The following STXBP4 variants were observed in gnomAD, a reference collection of about 807,000 sequenced individuals.
STXBP4 encodes syntaxin binding protein 4.
A neutral mutation model predicts 76.1 loss-of-function variants in STXBP4; 55 were observed. The ratio of observed to expected loss-of-function variants is 0.72; its 90% CI spans 0.58 to 0.91. The LOEUF (loss-of-function observed/expected upper bound fraction) is 0.91. Among genes scored for constraint, STXBP4 ranks in the 40% least tolerant of loss-of-function variants. The probability of loss-of-function intolerance (pLI) is 0.00; values close to 1 mark genes in which losing one functional copy is unlikely to be tolerated. For missense variants in STXBP4, 618 were observed against 636.9 expected, an observed-to-expected ratio of 0.97 and a Z score of 0.32; for synonymous variants, 201 against 220.2, an observed-to-expected ratio of 0.91 and a Z score of 0.77.
chr17:55,126,202 T>C (rs980065932), intron 16 of STXBP4, among the ~76,000 whole-genome samples: 2 of 151,996 alleles, frequency 1.3e-5, no homozygotes, highest in African/African-American at 4.8e-5. Flanking sequence ...TTACTCAGTG[T>C]GAAAACAAAA....
chr17:55,152,397 C>G (rs1341270325), intron 17 of STXBP4, among the ~76,000 whole-genome samples: 1 of 152,184 alleles, frequency 6.6e-6, no homozygotes, highest in Admixed American at 6.5e-5. Context: ...ACTTTTTATT[C>G]ATGGTCATCC....
At chr17:55,082,509 T>C (rs1432116138) in intron 16 of STXBP4, among the ~76,000 whole-genome samples, 6 of 152,188 alleles carry the variant, frequency 3.9e-5, no homozygotes, top group Non-Finnish European at 4.4e-5. Flanking sequence ...CATAAATATC[T>C]AGTAGGACAT....
intron 12 of STXBP4, among the ~76,000 whole-genome samples, chr17:55,068,558 A>G (rs1041293274): frequency 6.6e-6 from 1 of 152,152 alleles, no homozygotes; most frequent in Admixed American, 6.5e-5. Flanking sequence ...CAACTCTCCA[A>G]AGTTCAAGAG....
chr17:55,076,122 C>T (rs2079178751), intron 13 of STXBP4, among the ~76,000 whole-genome samples: 1 of 152,134 alleles, frequency 6.6e-6, no homozygotes, highest in Non-Finnish European at 1.5e-5. Flanking sequence ...AAATTTCTGG[C>T]TTGCCTTTTC....
chr17:54,995,632 A>C (rs2541241), intron 4 of STXBP4, among the ~76,000 whole-genome samples: 55,463 of 152,010 alleles, frequency 0.36, 10,974 homozygotes, highest in East Asian at 0.54. Flanking sequence ...GACATATTTA[A>C]CTTTCAGAGG....
intron 13 of STXBP4, among the ~76,000 whole-genome samples, chr17:55,075,356 T>G (rs2079168931): frequency 1.3e-5 from 2 of 152,254 alleles, no homozygotes; most frequent in African/African-American, 4.8e-5. Flanking sequence ...TATTTGAAGT[T>G]TTTAGCTAGT....
At chr17:55,151,084 G>T (rs2080211253) in intron 17 of STXBP4, among the ~76,000 whole-genome samples, 1 of 152,192 alleles carries the variant, frequency 6.6e-6, no homozygotes. Flanking sequence ...GAAAAGCAAA[G>T]AAACAAATTC....
intron 6 of STXBP4, 48 bp from the exon 7 acceptor site, chr17:55,000,760 G>T: frequency 8.3e-7 from 1 of 1,208,952 alleles, no homozygotes; most frequent in South Asian, 1.2e-5. Context: ...GGCTTCAAGT[G>T]ACCTACTTTA....
chr17:55,059,245 A>G (rs1017383910), intron 12 of STXBP4, among the ~76,000 whole-genome samples: 5 of 152,302 alleles, frequency 3.3e-5, no homozygotes, highest in East Asian at 1.9e-4. Flanking sequence ...TGCATAAAAT[A>G]TTCAGATAAG....
Position 55,043,277 on chromosome 17 carries a change from G to C in STXBP4, c.897G>C (p.Arg299Ser), listed in dbSNP as rs369283045. 2.6e-6 allele frequency: 4 copies of C among 1,542,824 alleles called. No individual in the cohort carries two copies. The highest frequency in any genetic ancestry group is 2.0e-5 in the Admixed American group (1 of 50,408). The change falls in exon 11 of 18, where the codon AGG (arginine) becomes AGC (serine). Residue 299 changes from arginine to serine, a missense_variant. Arg to Ser is a moderately radical substitution (Grantham distance 110). Coordinates refer to ENST00000376352, the MANE Select transcript of STXBP4 (RefSeq NM_178509.6). ...CDSSEADEMERLKCERDDALK... is the reference protein window; with the variant it reads ...CDSSEADEMESLKCERDDALK... ...CTTCAGAAGCAGATGAAATGGAAAG[G>C]CTCAAGTGTGAAAGAGATGATGCCT... is the stretch of plus-strand genomic sequence containing the variant.
rs1033163720 is a variant in STXBP4, at chr17:55,160,906, C to T, written c.*995C>T. 2 of 152,230 alleles carry T rather than the reference C, an allele frequency of 1.3e-5. No individual in the cohort carries two copies. The highest frequency in any genetic ancestry group is 4.8e-5 in the African/African-American group (2 of 41,454). The allele number at this position is 152,230 out of a possible 1,614,324, so 9.4% of individuals were successfully genotyped here. A position where few individuals can be genotyped will look rare whatever the true frequency, so the allele number is the denominator to read the frequency against. On this transcript the variant is annotated 3_prime_UTR_variant, in exon 18 of 18. Coordinates refer to ENST00000376352, the MANE Select transcript of STXBP4 (RefSeq NM_178509.6). Reference sequence around the variant, plus strand: ...TCTAAAGTGAAAGGCATGGTTTGTCCTGCTTAGGTTGCCCTTCCCAGAGGG... The same window carrying T: ...TCTAAAGTGAAAGGCATGGTTTGTCTTGCTTAGGTTGCCCTTCCCAGAGGG...
intron 13 of STXBP4, among the ~76,000 whole-genome samples, chr17:55,076,231 T>G (rs1281410588): frequency 1.3e-5 from 2 of 152,182 alleles, no homozygotes; most frequent in Non-Finnish European, 2.9e-5. Context: ...AGACCACAAA[T>G]TAGACATTGA....
At chr17:55,075,261 A>C (rs1370143129) in intron 13 of STXBP4, among the ~76,000 whole-genome samples, 1 of 152,008 alleles carries the variant, frequency 6.6e-6, no homozygotes, top group Non-Finnish European at 1.5e-5. Flanking sequence ...TTACCTGTTT[A>C]TCAACTTTAT....
chr17:55,023,077 T>C (rs2078343478), intron 8 of STXBP4, among the ~76,000 whole-genome samples: 1 of 152,234 alleles, frequency 6.6e-6, no homozygotes, highest in Non-Finnish European at 1.5e-5. Flanking sequence ...GCCATAAATG[T>C]TTAACTTGGA....
chr17:54,975,500 A>G (rs2077460696), intron 1 of STXBP4, among the ~76,000 whole-genome samples: 1 of 152,210 alleles, frequency 6.6e-6, no homozygotes, highest in South Asian at 2.1e-4. Flanking sequence ...GCCAAAGCAC[A>G]GTCTAATTAC....
intron 8 of STXBP4, among the ~76,000 whole-genome samples, chr17:55,024,496 G>A (rs1461322191): frequency 1.3e-5 from 2 of 152,146 alleles, no homozygotes; most frequent in East Asian, 1.9e-4. Context: ...TGACAGCTGG[G>A]GTTCCTAAGT....
the STXBP4 span, among the ~76,000 whole-genome samples, chr17:55,180,267 G>C: frequency 6.6e-6 from 1 of 152,088 alleles, no homozygotes; most frequent in Non-Finnish European, 1.5e-5. Flanking sequence ...CCTCCATAAG[G>C]AAAAAGTAGT....
At chr17:55,211,245 A>G in the STXBP4 span, among the ~76,000 whole-genome samples, 8 of 151,748 alleles carry the variant, frequency 5.3e-5, no homozygotes, top group African/African-American at 1.7e-4. Context: ...TTATTTATTT[A>G]TTTGTTTATT....
At chr17:55,124,905 G>C (rs1360459268) in intron 16 of STXBP4, among the ~76,000 whole-genome samples, 1 of 152,158 alleles carries the variant, frequency 6.6e-6, no homozygotes, top group Non-Finnish European at 1.5e-5. Flanking sequence ...ACAGAGGAGG[G>C]GTGGGGTGGC....
Sources: gnomAD v4.1 joint callset for allele counts (sites outside exome capture counted in the v4.1 genomes callset) on GRCh38, gnomAD v4.1.1 for gene constraint, MANE v1.5 for transcripts, NCBI Gene and HGNC (gene_info 2026-07-23, HGNC 2026-07-21) for gene names.